The following FALEC variants were observed in gnomAD, a reference collection of about 807,000 sequenced individuals.
FALEC encodes the protein focally amplified lncRNA regulator of ECM1, also known as focally amplified lncRNA on chromosome 1.
chr1:150,523,846 C>T, the FALEC span, among the ~76,000 whole-genome samples: 2 of 151,906 alleles, frequency 1.3e-5, no homozygotes, highest in Non-Finnish European at 2.9e-5. Flanking sequence ...GAGATGGGAG[C>T]TTATCCAGAA....
At chr1:150,530,306 C>G in the FALEC span, among the ~76,000 whole-genome samples, 1 of 152,130 alleles carries the variant, frequency 6.6e-6, no homozygotes, top group Non-Finnish European at 1.5e-5. Flanking sequence ...TAATAGGACG[C>G]ACATTTAAGA....
At chr1:150,532,197 G>A in the FALEC span, among the ~76,000 whole-genome samples, 4 of 152,152 alleles carry the variant, frequency 2.6e-5, no homozygotes, top group Admixed American at 6.6e-5. Context: ...ATGAGCCACC[G>A]CACCCGGCCA....
chr1:150,530,291 C>A, the FALEC span, among the ~76,000 whole-genome samples: 16 of 152,266 alleles, frequency 1.1e-4, no homozygotes, highest in South Asian at 3.3e-3. Context: ...CGGCTGGGTA[C>A]TTACTAATAG....
At chr1:150,527,347 C>T in the FALEC span, among the ~76,000 whole-genome samples, 1 of 151,904 alleles carries the variant, frequency 6.6e-6, no homozygotes, top group Non-Finnish European at 1.5e-5. Flanking sequence ...CAACCTCTGC[C>T]TCCCGGGTTC....
the FALEC span, among the ~76,000 whole-genome samples, chr1:150,535,341 T>C: frequency 1.6e-4 from 25 of 152,094 alleles, no homozygotes; most frequent in African/African-American, 6.0e-4. Context: ...CCTCCCAGGT[T>C]CAAGCAATTC....
downstream of FALEC, among the ~76,000 whole-genome samples, chr1:150,522,899 A>ACG (rs1323676854): frequency 1.3e-4 from 9 of 66,958 alleles, no homozygotes; most frequent in Non-Finnish European, 1.9e-4. Context: ...GTATATATAT[A>ACG]TATACATATA....
the FALEC span, among the ~76,000 whole-genome samples, chr1:150,535,388 C>T: frequency 1.3e-5 from 2 of 152,116 alleles, no homozygotes; most frequent in Admixed American, 6.6e-5. Flanking sequence ...GGATTACAGG[C>T]GCCCGCCACC....
the FALEC span, among the ~76,000 whole-genome samples, chr1:150,524,995 GAAAAA>G: frequency 1.0e-5 from 1 of 98,334 alleles, no homozygotes; most frequent in South Asian, 3.6e-4. Flanking sequence ...ACCCTGTCTT[GAAAAA>G]AAAAAAAAAA....
downstream of FALEC, among the ~76,000 whole-genome samples, chr1:150,522,970 TATATA>T (rs1560270841): frequency 8.6e-4 from 43 of 50,162 alleles, 4 homozygotes; most frequent in African/African-American, 2.3e-3. Context: ...TATATATATA[TATATA>T]TATATATATT....
downstream of FALEC, among the ~76,000 whole-genome samples, chr1:150,521,168 G>T (rs1670637881): frequency 6.6e-6 from 1 of 152,144 alleles, no homozygotes; most frequent in Admixed American, 6.6e-5. Flanking sequence ...ATAGATACAT[G>T]AATTGTTTCC....
the FALEC span, among the ~76,000 whole-genome samples, chr1:150,535,743 C>T: frequency 2.0e-5 from 3 of 152,196 alleles, no homozygotes; most frequent in Admixed American, 6.5e-5. Context: ...CCTGTAAACG[C>T]TCTGCCTGGA....
the FALEC span, among the ~76,000 whole-genome samples, chr1:150,530,360 T>C: frequency 6.6e-5 from 10 of 152,066 alleles, no homozygotes; most frequent in Non-Finnish European, 1.2e-4. Flanking sequence ...GGAGCACAGT[T>C]ACAGACAATT....
downstream of FALEC, among the ~76,000 whole-genome samples, chr1:150,522,447 A>T (rs1477663689): frequency 3.3e-5 from 5 of 151,452 alleles, no homozygotes; most frequent in African/African-American, 1.2e-4. Context: ...ACGTGGTGAA[A>T]CCCTGTCTCT....
the FALEC span, among the ~76,000 whole-genome samples, chr1:150,533,758 C>T: frequency 9.2e-5 from 14 of 152,070 alleles, no homozygotes; most frequent in Non-Finnish European, 1.6e-4. Flanking sequence ...GATTCTAACT[C>T]CTAAGCACTA....
chr1:150,522,972 TATA>T (rs1560270856), downstream of FALEC, among the ~76,000 whole-genome samples: 26 of 52,514 alleles, frequency 5.0e-4, 1 homozygote, highest in African/African-American at 5.9e-4. Context: ...TATATATATA[TATA>T]TATATATATT....
chr1:150,518,253 C>T (rs1416773249), downstream of FALEC, among the ~76,000 whole-genome samples: 2 of 152,126 alleles, frequency 1.3e-5, no homozygotes, highest in Non-Finnish European at 2.9e-5. Context: ...CCCATGTGCC[C>T]TATTTCAATA....
chr1:150,522,071 C>T (rs752687888), downstream of FALEC, among the ~76,000 whole-genome samples: 11 of 151,802 alleles, frequency 7.2e-5, no homozygotes, highest in Admixed American at 2.0e-4. Flanking sequence ...ATGGTGAAAC[C>T]CCGTCTCTAC....
the FALEC span, among the ~76,000 whole-genome samples, chr1:150,534,713 G>A: frequency 7.2e-5 from 11 of 151,920 alleles, no homozygotes; most frequent in East Asian, 1.9e-4. Context: ...GTGGTGGCGC[G>A]TGGCTGTAAT....
chr1:150,520,947 G>T (rs188092039), downstream of FALEC, among the ~76,000 whole-genome samples: 2 of 151,654 alleles, frequency 1.3e-5, no homozygotes, highest in South Asian at 2.1e-4. Flanking sequence ...GATTACAGGC[G>T]CCTGCCAATA....
Sources: allele counts gnomAD v4.1 joint callset (sites outside exome capture counted in the v4.1 genomes callset), GRCh38; gene constraint gnomAD v4.1.1; transcripts MANE v1.5; gene names NCBI Gene and HGNC (gene_info 2026-07-23, HGNC 2026-07-21).